MOB1B: variants seen among roughly 807,000 people sequenced by gnomAD.
The protein encoded by MOB1B is MOB kinase activator 1B.
In MOB1B, 19 loss-of-function variants were observed where a neutral mutation model predicts 24.4. That is an observed-to-expected ratio of 0.78 (90% CI 0.54 to 1.14). The LOEUF (loss-of-function observed/expected upper bound fraction) is 1.14. Ranked by LOEUF, MOB1B falls within the 50% of genes most tolerant of loss-of-function variation. The probability of loss-of-function intolerance (pLI) is 0.00; values close to 1 mark genes in which losing one functional copy is unlikely to be tolerated. For synonymous variants in MOB1B, 76 were observed against 82.1 expected (o/e 0.93, Z 0.40); for missense variants, 243 against 259.6 (o/e 0.94, Z 0.44).
Position 70,983,448 on chromosome 4 carries a change from A to C in MOB1B, c.*1391A>C, listed in dbSNP as rs1369075278. 6.6e-6 allele frequency: 1 copy of C among 152,354 alleles called. No homozygotes were observed. The highest frequency in any genetic ancestry group is 1.5e-5 in the Non-Finnish European group (1 of 68,002). 9.4% of individuals were successfully genotyped at this position (152,354 alleles called of 1,614,324 possible). On this transcript the variant is annotated 3_prime_UTR_variant, in exon 6 of 6. Transcript: ENST00000309395. ...TTATTACCATAAATAACAATTTCAG[A>C]AACTTAGTTTTTAGAATAAATATTA...
rs184671909 is a variant in MOB1B, at chr4:70,984,149, A to G, written c.*2092A>G. 6.6e-6 allele frequency: 1 copy of G among 152,572 alleles called. No homozygotes were observed. Among genetic ancestry groups the G allele is most frequent in the African/African-American group, 2.4e-5 (1 of 41,452 alleles). 9.5% of individuals were successfully genotyped at this position (152,572 alleles called of 1,614,324 possible). ...GTACACTGTACTTGTTTTTAGTAGT[A>G]AGACCTACTTTCCCACTATATGTAG... is the stretch of plus-strand genomic sequence containing the variant. On this transcript the variant is annotated 3_prime_UTR_variant, in exon 6 of 6. Transcript: ENST00000309395.
chr4:70,914,787 AC>A (rs1736133069), intron 1 of MOB1B, among the ~76,000 whole-genome samples: 1 of 151,910 alleles, frequency 6.6e-6, no homozygotes, highest in Admixed American at 6.6e-5. Context: ...TGTTCTCTTG[AC>A]CCTGTCTGGC....
chr4:70,912,454 A>G (rs1228965654), intron 1 of MOB1B, among the ~76,000 whole-genome samples: 1 of 151,606 alleles, frequency 6.6e-6, no homozygotes, highest in Admixed American at 6.6e-5. Context: ...TAATTTTTAT[A>G]TTCTTAGTAG....
intron 1 of MOB1B, among the ~76,000 whole-genome samples, chr4:70,934,969 G>A (rs1021714707): frequency 6.6e-6 from 1 of 151,706 alleles, no homozygotes; most frequent in Non-Finnish European, 1.5e-5. Flanking sequence ...TAGAGACAGG[G>A]TCTCTCTCTG....
intron 1 of MOB1B, among the ~76,000 whole-genome samples, chr4:70,939,339 T>G (rs922779893): frequency 3.9e-5 from 6 of 152,162 alleles, no homozygotes; most frequent in Non-Finnish European, 8.8e-5. Flanking sequence ...CAACTAAATT[T>G]TGGAAATTAT....
chr4:70,980,120 CT>C (rs1444040729), intron 5 of MOB1B, among the ~76,000 whole-genome samples: 1 of 152,132 alleles, frequency 6.6e-6, no homozygotes, highest in Non-Finnish European at 1.5e-5. Context: ...GCCACTTCCC[CT>C]GTTCTCTTAA....
At chr4:70,936,140 C>T (rs1019995748) in intron 1 of MOB1B, among the ~76,000 whole-genome samples, 24 of 151,956 alleles carry the variant, frequency 1.6e-4, no homozygotes, top group Non-Finnish European at 2.2e-4. Flanking sequence ...TGTGAGCCAC[C>T]GCGCCCGGCC....
At chr4:70,944,838 T>C (rs902107764) in intron 1 of MOB1B, among the ~76,000 whole-genome samples, 1 of 152,080 alleles carries the variant, frequency 6.6e-6, no homozygotes, top group African/African-American at 2.4e-5. Flanking sequence ...CGAGAACTCA[T>C]TCACTATCAC....
chr4:70,971,504 CAAAAAAA>C lies in MOB1B; in HGVS notation c.275+1492_275+1498del, dbSNP rs906280735. 4.6e-5 allele frequency among the ~76,000 whole-genome samples: 3 copies of C among 64,890 alleles called. No homozygotes were observed. In the Admixed American group the frequency reaches 5.6e-4, roughly 12 times the overall value. 42.6% of individuals were successfully genotyped at this position (64,890 alleles called of 152,430 possible). A position where few individuals can be genotyped will look rare whatever the true frequency, so the allele number is the denominator to read the frequency against. The stretch of plus-strand genomic sequence containing the variant: ...TGAATGATAGAGTGAGACTCTGTCT[CAAAAAAA>C]AAAAAAAAAAAGTAATTTAAAGACA... On this transcript the variant is annotated intron_variant, in intron 3 of 5. Transcript: ENST00000309395.
chr4:70,955,061 C>T (rs1248206860), intron 1 of MOB1B, among the ~76,000 whole-genome samples: 1 of 152,208 alleles, frequency 6.6e-6, no homozygotes, highest in Non-Finnish European at 1.5e-5. Flanking sequence ...GCTGGGACTA[C>T]AGGCATGAGC....
chr4:70,953,532 A>G lies in MOB1B; in HGVS notation c.15-5342A>G, dbSNP rs190920689. 1.9e-3 allele frequency among the ~76,000 whole-genome samples: 284 copies of G among 152,316 alleles called. 1 individual carries two copies. The highest frequency in any genetic ancestry group is 6.4e-3 in the African/African-American group (268 of 41,576). On this transcript the variant is annotated intron_variant, in intron 1 of 5. Coordinates refer to ENST00000309395, the MANE Select transcript of MOB1B (RefSeq NM_173468.4). The stretch of plus-strand genomic sequence containing the variant: ...CTGCAGGGAACTAAAAACATTTACA[A>G]ACATCTAATCTCTAAATGATACACT...
rs200994770 is a variant in MOB1B, at chr4:70,987,332, GATTTA to G, written c.*5278_*5282del. On this transcript the variant is annotated 3_prime_UTR_variant, in exon 6 of 6. Transcript: ENST00000309395. ...TACTTATAAATTCATGTTCTCATCTGATTTAATATTAAATTTGTATAGGTGGGCGT... is the reference window on the plus strand; with the variant it reads ...TACTTATAAATTCATGTTCTCATCTGATATTAAATTTGTATAGGTGGGCGT... 10 of 151,870 alleles carry G rather than the reference GATTTA, an allele frequency of 6.6e-5. No homozygotes were observed. In the East Asian group the frequency reaches 1.9e-3, roughly 29 times the overall value. The allele number at this position is 151,870 out of a possible 1,614,324, so 9.4% of individuals were successfully genotyped here. A position where few individuals can be genotyped will look rare whatever the true frequency, so the allele number is the denominator to read the frequency against.
chr4:70,905,547 G>A (rs746070611), intron 1 of MOB1B, among the ~76,000 whole-genome samples: 1 of 152,004 alleles, frequency 6.6e-6, no homozygotes, highest in Non-Finnish European at 1.5e-5. Flanking sequence ...CTGGCTATCT[G>A]AATACTATTT....
At chr4:70,914,763 C>T (rs1049109731) in intron 1 of MOB1B, among the ~76,000 whole-genome samples, 3 of 152,154 alleles carry the variant, frequency 2.0e-5, no homozygotes, top group African/African-American at 7.2e-5. Flanking sequence ...TTTGCTCTGT[C>T]CCTGTACTAC....
chr4:70,950,783 A>G (rs1038858035), intron 1 of MOB1B: 109 of 1,532,180 alleles, frequency 7.1e-5, no homozygotes, highest in East Asian at 1.5e-4. Flanking sequence ...ACTTAGACCT[A>G]TGGAAGGAGC....
At chr4:70,924,450 A>T (rs925759901) in intron 1 of MOB1B, among the ~76,000 whole-genome samples, 10 of 152,096 alleles carry the variant, frequency 6.6e-5, no homozygotes, top group Non-Finnish European at 1.2e-4. Flanking sequence ...TCAGTGTTTC[A>T]TTTGGAAAAT....
At chr4:70,981,871 A>G (rs754080272) in intron 5 of MOB1B, 109 bp from the exon 6 acceptor site, 197 of 718,028 alleles carry the variant, frequency 2.7e-4, no homozygotes, top group Non-Finnish European at 4.1e-4. Context: ...ATCTACTTTT[A>G]TGTACTTCAA....
intron 3 of MOB1B, 88 bp downstream of exon 3, chr4:70,970,112 C>T: frequency 1.4e-6 from 1 of 736,882 alleles, no homozygotes; most frequent in East Asian, 2.7e-5. Flanking sequence ...TATGATTTTT[C>T]TACTTATCGT....
intron 1 of MOB1B, 35 bp from the exon 2 acceptor site, chr4:70,958,839 A>G (rs765609981): frequency 1.3e-6 from 2 of 1,572,736 alleles, no homozygotes; most frequent in East Asian, 4.5e-5. Context: ...CATGCCTTAA[A>G]TATTAAACCC....
Sources: allele counts gnomAD v4.1 joint callset (sites outside exome capture counted in the v4.1 genomes callset), GRCh38; gene constraint gnomAD v4.1.1; transcripts MANE v1.5; gene names NCBI Gene and HGNC (gene_info 2026-07-23, HGNC 2026-07-21).